The following CCDC186 variants were observed in gnomAD, a reference collection of about 807,000 sequenced individuals.
CCDC186 encodes the protein coiled-coil domain-containing protein 186.
In CCDC186, 49 loss-of-function variants were observed where a neutral mutation model predicts 113.7. The observed-to-expected ratio is 0.43, with a 90% CI of 0.34 to 0.55. The LOEUF is 0.55. Ranked by LOEUF, CCDC186 falls within the 20% of genes least tolerant of loss-of-function variation. CCDC186 has a pLI of 0.02. For synonymous variants in CCDC186, 355 were observed against 345.8 expected (o/e 1.03, Z -0.30); for missense variants, 890 against 1,011.1 (o/e 0.88, Z 1.62).
At chr10:114,142,043 T>C (rs556140214) in intron 6 of CCDC186, among the ~76,000 whole-genome samples, 7 of 152,302 alleles carry the variant, frequency 4.6e-5, no homozygotes, top group African/African-American at 1.7e-4. Context: ...TTATAGAACA[T>C]AGAATATAGT....
chr10:114,144,655 G>T, intron 5 of CCDC186, 39 bp from the exon 6 acceptor site: 1 of 1,530,370 alleles, frequency 6.5e-7, no homozygotes, highest in South Asian at 1.2e-5. Flanking sequence ...TTCATTTATA[G>T]AATCAATTAA....
intron 4 of CCDC186, among the ~76,000 whole-genome samples, chr10:114,148,932 G>A (rs1021027151): frequency 2.6e-5 from 4 of 152,210 alleles, no homozygotes; most frequent in African/African-American, 7.2e-5. Context: ...AAACACATAT[G>A]GGAACCTATT....
intron 6 of CCDC186, among the ~76,000 whole-genome samples, chr10:114,141,727 T>G (rs1054709981): frequency 2.0e-5 from 3 of 152,076 alleles, no homozygotes; most frequent in African/African-American, 4.8e-5. Flanking sequence ...CACTGCACAT[T>G]GTTGTATTTT....
chr10:114,138,639 T>C (rs962668899), intron 6 of CCDC186, among the ~76,000 whole-genome samples: 5 of 152,172 alleles, frequency 3.3e-5, no homozygotes, highest in African/African-American at 1.2e-4. Context: ...GGGCTACCCG[T>C]ATTAAATCCA....
intron 1 of CCDC186, among the ~76,000 whole-genome samples, chr10:114,170,906 T>C (rs147276421): frequency 2.0e-5 from 3 of 152,072 alleles, no homozygotes; most frequent in South Asian, 2.1e-4. Flanking sequence ...AATCCTGTGA[T>C]AGGATAACAG....
intron 1 of CCDC186, among the ~76,000 whole-genome samples, chr10:114,170,986 T>A (rs900435696): frequency 2.0e-5 from 3 of 152,156 alleles, no homozygotes; most frequent in African/African-American, 7.2e-5. Context: ...ATAGTTCACC[T>A]TATCAAGTTA....
At chr10:114,134,760 C>A (rs1264200709) in intron 10 of CCDC186, among the ~76,000 whole-genome samples, 153 bp downstream of exon 10, 1 of 151,950 alleles carries the variant, frequency 6.6e-6, no homozygotes, top group Non-Finnish European at 1.5e-5. Flanking sequence ...AAAAGATAAT[C>A]CAAAGAAGTT....
At chr10:114,160,205 G>C (rs1425438480) in intron 2 of CCDC186, among the ~76,000 whole-genome samples, 1 of 151,798 alleles carries the variant, frequency 6.6e-6, no homozygotes, top group East Asian at 1.9e-4. Context: ...AGGAGGCAGA[G>C]GTTGCAGTGA....
At chr10:114,152,508 T>C (rs1008064651) in intron 3 of CCDC186, among the ~76,000 whole-genome samples, 7 of 152,112 alleles carry the variant, frequency 4.6e-5, no homozygotes, top group African/African-American at 1.7e-4. Flanking sequence ...TACTGTATAG[T>C]GAAAATATCA....
chr10:114,132,700 T>C (rs1333257673), intron 10 of CCDC186, among the ~76,000 whole-genome samples: 1 of 152,204 alleles, frequency 6.6e-6, no homozygotes, highest in Admixed American at 6.5e-5. Flanking sequence ...TTGTAAGCCA[T>C]GGTTGATCCC....
chr10:114,121,672 C>A lies in CCDC186; in HGVS notation c.*3471G>T, dbSNP rs890915958. On this transcript the variant is annotated 3_prime_UTR_variant, in exon 16 of 16. Coordinates refer to ENST00000369287, the MANE Select transcript of CCDC186 (RefSeq NM_018017.4). ...TTCAGCGTACCTTTGCAAGGATGTT[C>A]CAAAGCCTCATGTACGAGTGAGATT... 2 of 152,158 alleles carry A rather than the reference C, an allele frequency of 1.3e-5. No homozygotes were observed. Among genetic ancestry groups the A allele is most frequent in the Non-Finnish European group, 2.9e-5 (2 of 68,032 alleles). The allele number at this position is 152,158 out of a possible 1,614,324, so 9.4% of individuals were successfully genotyped here. A position where few individuals can be genotyped will look rare whatever the true frequency, so the allele number is the denominator to read the frequency against.
Position 114,136,262 on chromosome 10 carries a change from CAA to C in CCDC186, c.1327-18_1327-17del. ...CTTCTGACTCCTAGTGGAAAGAAAACAAAAAAAGTGTGACAATTTTTAACCCA... is the reference window on the plus strand; with the variant it reads ...CTTCTGACTCCTAGTGGAAAGAAAACAAAAAGTGTGACAATTTTTAACCCA... On this transcript the variant is annotated splice_polypyrimidine_tract_variant and intron_variant, in intron 7 of 15. Transcript: ENST00000369287. 6.3e-7 allele frequency: 1 copy of C among 1,583,728 alleles called. No homozygotes were observed. The highest frequency in any genetic ancestry group is 8.6e-7 in the Non-Finnish European group (1 of 1,160,660).
intron 7 of CCDC186, 91 bp downstream of exon 7, chr10:114,137,095 C>T (rs781633377): frequency 2.2e-5 from 20 of 926,010 alleles, no homozygotes; most frequent in South Asian, 3.1e-5. Context: ...CCAGCCCGGG[C>T]GACAGAGCGA....
intron 4 of CCDC186, among the ~76,000 whole-genome samples, chr10:114,146,266 G>T (rs1403332955): frequency 6.6e-6 from 1 of 152,108 alleles, no homozygotes; most frequent in African/African-American, 2.4e-5. Context: ...TACCCTCTGG[G>T]GTGTAATACC....
chr10:114,160,635 TTAAATA>T (rs2032143989), intron 2 of CCDC186, among the ~76,000 whole-genome samples: 2 of 152,218 alleles, frequency 1.3e-5, no homozygotes, highest in African/African-American at 4.8e-5. Context: ...TTGTACCTCT[TTAAATA>T]TATACAATTT....
At chr10:114,142,984 G>T (rs1230195296) in intron 6 of CCDC186, among the ~76,000 whole-genome samples, 1 of 152,186 alleles carries the variant, frequency 6.6e-6, no homozygotes, top group African/African-American at 2.4e-5. Flanking sequence ...CTCTTTGAAA[G>T]TAACGACTGT....
In CCDC186 at chr10:114,125,906, G is replaced by T. The variant is rs1040537389; in HGVS notation, c.2593C>A (p.Leu865Ile). 2 of 1,613,720 alleles carry T rather than the reference G, an allele frequency of 1.2e-6. No individual in the cohort carries two copies. Among genetic ancestry groups the T allele is most frequent in the African/African-American group, 2.7e-5 (2 of 75,002 alleles). The change falls in exon 15 of 16, where the codon CTA (leucine) becomes ATA (isoleucine). Residue 865 changes from leucine (L) to isoleucine (I), a missense_variant. Coordinates refer to ENST00000369287, the MANE Select transcript of CCDC186 (RefSeq NM_018017.4). ...AATACCTTCAAAGTAATATTTTTTAGTAACGTATCCTCCAAAACAGCCTGT... is the reference window on the plus strand; with the variant it reads ...AATACCTTCAAAGTAATATTTTTTATTAACGTATCCTCCAAAACAGCCTGT... Reference protein sequence around the residue: ...KLQAVLEDTLLKNITLKENLQ... With the variant: ...KLQAVLEDTLIKNITLKENLQ...
chr10:114,159,829 G>A (rs896312327), intron 2 of CCDC186, among the ~76,000 whole-genome samples: 3 of 151,944 alleles, frequency 2.0e-5, no homozygotes, highest in Non-Finnish European at 2.9e-5. Context: ...GAGCCTAGTG[G>A]TGCGCACCTG....
intron 7 of CCDC186, 75 bp downstream of exon 7, chr10:114,137,111 C>T: frequency 8.9e-7 from 1 of 1,128,048 alleles, no homozygotes; most frequent in Admixed American, 1.9e-5. Context: ...AGCGAGACTC[C>T]ATCTAAAAAA....
Sources: allele counts gnomAD v4.1 joint callset (sites outside exome capture counted in the v4.1 genomes callset), GRCh38; gene constraint gnomAD v4.1.1; transcripts MANE v1.5; gene names NCBI Gene and HGNC (gene_info 2026-07-23, HGNC 2026-07-21).